ZNF566: variants seen among roughly 807,000 people sequenced by gnomAD.
The protein encoded by ZNF566 is zinc finger protein 566.
A neutral mutation model predicts 32.8 loss-of-function variants in ZNF566; 27 were observed. That is an observed-to-expected ratio of 0.82 (90% CI 0.61 to 1.14). ZNF566 has a LOEUF of 1.14. Ranked by LOEUF, ZNF566 falls within the 50% of genes most tolerant of loss-of-function variation. The pLI, the probability that ZNF566 is intolerant of heterozygous loss-of-function variation, is 0.00. For missense variants in ZNF566, 402 were observed against 490.4 expected, an observed-to-expected ratio of 0.82 and a Z score of 1.70; for synonymous variants, 154 against 159.5, an observed-to-expected ratio of 0.97 and a Z score of 0.26.
At chr19:36,463,046 G>A (rs2033517833) in intron 4 of ZNF566, among the ~76,000 whole-genome samples, 3 of 148,770 alleles carry the variant, frequency 2.0e-5, no homozygotes. Flanking sequence ...GCCAGACGCA[G>A]TAATCCCAGC....
chr19:36,449,072 T>G lies in ZNF566; in HGVS notation c.1162A>C (p.Ile388Leu), dbSNP rs750353060. The change falls in exon 5 of 5, where the codon ATT becomes CTT. Residue 388 changes from isoleucine to leucine, a missense_variant. Coordinates refer to ENST00000452939, the MANE Select transcript of ZNF566 (RefSeq NM_001145344.1). ...TCATAGGGTTTCTCACTAGTATGAA[T>G]TCTATGATGACTAATAAGCTGTGAA... ...QSSQLISHHR[I>L]HTSEKPYEYR... 1.2e-6 allele frequency: 2 copies of G among 1,613,932 alleles called. No individual in the cohort carries two copies. The highest frequency in any genetic ancestry group is 1.7e-6 in the Non-Finnish European group (2 of 1,179,962).
At chr19:36,485,143 C>T (rs369669168) in intron 1 of ZNF566, among the ~76,000 whole-genome samples, 5 of 151,640 alleles carry the variant, frequency 3.3e-5, no homozygotes, top group East Asian at 1.9e-4. Flanking sequence ...ATCAGGCAAA[C>T]GCAAATTGAA....
chr19:36,484,593 T>C (rs1004061785), intron 1 of ZNF566, among the ~76,000 whole-genome samples: 1 of 144,198 alleles, frequency 6.9e-6, no homozygotes, highest in Admixed American at 6.9e-5. Flanking sequence ...GTTTCTTTTT[T>C]TTTTTTTTTT....
chr19:36,462,801 C>A (rs1200283317), intron 4 of ZNF566, among the ~76,000 whole-genome samples: 4 of 150,904 alleles, frequency 2.7e-5, no homozygotes, highest in Non-Finnish European at 4.4e-5. Flanking sequence ...ACTAAAAATA[C>A]AAAAAATTAG....
intron 1 of ZNF566, among the ~76,000 whole-genome samples, chr19:36,481,473 G>GAAA (rs79028574): frequency 1.9e-4 from 21 of 110,780 alleles, no homozygotes; most frequent in East Asian, 6.1e-4. Flanking sequence ...ACTGTCTCGG[G>GAAA]AAAAAAAAAA....
chr19:36,465,338 G>A (rs987228449), intron 4 of ZNF566, among the ~76,000 whole-genome samples: 2 of 152,098 alleles, frequency 1.3e-5, no homozygotes, highest in African/African-American at 4.8e-5. Flanking sequence ...GAGTAAGTAC[G>A]TACACCAAGA....
At chr19:36,464,617 CA>C (rs1399403612) in intron 4 of ZNF566, among the ~76,000 whole-genome samples, 1 of 152,010 alleles carries the variant, frequency 6.6e-6, no homozygotes, top group African/African-American at 2.4e-5. Context: ...CCTGTCTCTA[CA>C]AAAAATATGA....
chr19:36,477,307 G>A (rs926368995), intron 1 of ZNF566, among the ~76,000 whole-genome samples: 1 of 151,990 alleles, frequency 6.6e-6, no homozygotes, highest in Non-Finnish European at 1.5e-5. Context: ...ACCGCGCCTG[G>A]CCATAACTTT....
At chr19:36,477,792 G>A (rs1004893928) in intron 1 of ZNF566, among the ~76,000 whole-genome samples, 2 of 151,870 alleles carry the variant, frequency 1.3e-5, no homozygotes, top group Non-Finnish European at 2.9e-5. Flanking sequence ...GGGATTATAA[G>A]CGTGAGACAC....
chr19:36,481,161 A>G (rs1428463514), intron 1 of ZNF566, among the ~76,000 whole-genome samples: 1 of 152,066 alleles, frequency 6.6e-6, no homozygotes, highest in African/African-American at 2.4e-5. Context: ...CACACTCATA[A>G]TGAGAGAAAT....
At position 36,449,128 on chromosome 19, in the gene ZNF566, C is replaced by T. The variant is rs2033071975; in HGVS notation, c.1106G>A (p.Cys369Tyr). The change falls in exon 5 of 5, where the codon TGT becomes TAT. Residue 369 changes from cysteine (C) to tyrosine (Y), a missense_variant. Cys to Tyr is a radical substitution (Grantham distance 194). Coordinates refer to ENST00000452939, the MANE Select transcript of ZNF566 (RefSeq NM_001145344.1). ...RIHTGEKPYE[C>Y]KICGKAYSQS... Reference sequence around the variant, plus strand: ...AGAATAAGCCTTCCCACATATCTTACATTCATAGGGTTTCTCCCCAGTATG... The same window carrying T: ...AGAATAAGCCTTCCCACATATCTTATATTCATAGGGTTTCTCCCCAGTATG... 5 of 1,614,102 alleles carry T rather than the reference C, an allele frequency of 3.1e-6. No homozygotes were observed. Among genetic ancestry groups the T allele is most frequent in the Non-Finnish European group, 4.2e-6 (5 of 1,180,006 alleles).
rs1443386788 is a variant in ZNF566 at position 36,473,411 on chromosome 19, C to T, written c.57G>A (p.Glu19=). ...TCTGATCATCATTCAGGCATTCCCACTCCTCCTGAGAGAAGTCTACGGACA... is the reference window on the plus strand; with the variant it reads ...TCTGATCATCATTCAGGCATTCCCATTCCTCCTGAGAGAAGTCTACGGACA... ...SDVSVDFSQE[E]WECLNDDQRD... The change falls in exon 3 of 5, where the codon GAG becomes GAA. Residue 19 remains glutamate, a synonymous_variant. Transcript: ENST00000452939. 14 of 1,613,448 alleles carry T rather than the reference C, an allele frequency of 8.7e-6. No individual in the cohort carries two copies. The highest frequency in any genetic ancestry group is 1.6e-4 in the Middle Eastern group (1 of 6,080).
At chr19:36,456,677 C>G (rs138703900) in intron 4 of ZNF566, 1 of 151,940 alleles carries the variant, frequency 6.6e-6, no homozygotes, top group African/African-American at 2.4e-5. Context: ...CATGTGTATA[C>G]CTATGTAACA....
rs1013493342 is a variant in ZNF566 at position 36,448,048 on chromosome 19, T to C, written c.*929A>G. ...ACAAAGCATTATGAGGTAGGTATTA[T>C]AATTATCCCCCATTTTATAATTTTT... On this transcript the variant is annotated 3_prime_UTR_variant, in exon 5 of 5. Transcript: ENST00000452939. The C allele has an allele frequency of 3.3e-5, 5 of 152,162 alleles. No homozygotes were observed. Among genetic ancestry groups the C allele is most frequent in the African/African-American group, 1.2e-4 (5 of 41,454 alleles). The allele number at this position is 152,162 out of a possible 1,614,324, so 9.4% of individuals were successfully genotyped here. A position where few individuals can be genotyped will look rare whatever the true frequency, so the allele number is the denominator to read the frequency against.
intron 2 of ZNF566, 54 bp downstream of exon 2, chr19:36,476,493 TAC>T: frequency 6.7e-7 from 1 of 1,494,016 alleles, no homozygotes; most frequent in Non-Finnish European, 9.3e-7. Context: ...AGCAAATGTT[TAC>T]AGTTACTAGA....
At chr19:36,458,398 C>T (rs1364031528) in intron 4 of ZNF566, among the ~76,000 whole-genome samples, 2 of 152,066 alleles carry the variant, frequency 1.3e-5, no homozygotes, top group Non-Finnish European at 2.9e-5. Flanking sequence ...ATAAGCCAGG[C>T]ACAGAAAGAC....
At chr19:36,468,042 G>A (rs10416494) in intron 4 of ZNF566, among the ~76,000 whole-genome samples, 13,737 of 150,848 alleles carry the variant, frequency 0.091, 753 homozygotes, top group African/African-American at 0.13. Flanking sequence ...AAAATTAGCC[G>A]GGCGTGGTGG....
intron 4 of ZNF566, among the ~76,000 whole-genome samples, chr19:36,457,915 A>AAT (rs2033358697): frequency 6.7e-6 from 1 of 149,824 alleles, no homozygotes; most frequent in Admixed American, 6.6e-5. Flanking sequence ...AACAAACAAA[A>AAT]ATCCCCTCAC....
intron 4 of ZNF566, among the ~76,000 whole-genome samples, chr19:36,454,519 C>T (rs1202808497): frequency 6.6e-6 from 1 of 152,128 alleles, no homozygotes; most frequent in Non-Finnish European, 1.5e-5. Context: ...TGCCACTATA[C>T]TCTAGCCTGG....
Sources: allele counts gnomAD v4.1 joint callset (sites outside exome capture counted in the v4.1 genomes callset), GRCh38; gene constraint gnomAD v4.1.1; transcripts MANE v1.5; gene names NCBI Gene and HGNC (gene_info 2026-07-23, HGNC 2026-07-21).